The following KIAA1328 variants were observed in gnomAD, a reference collection of about 807,000 sequenced individuals.
KIAA1328 encodes the protein protein hinderin.
In KIAA1328, 52 loss-of-function variants were observed where a neutral mutation model predicts 68.1. The observed-to-expected ratio is 0.76, with a 90% CI of 0.61 to 0.96. The LOEUF is 0.96. Among genes scored for constraint, KIAA1328 ranks in the 40% least tolerant of loss-of-function variants. KIAA1328 has a pLI of 0.00. For missense variants in KIAA1328, 641 were observed against 677.6 expected (o/e 0.95, Z 0.60); for synonymous variants, 232 against 239.4 (o/e 0.97, Z 0.28).
rs199775909 is a variant in KIAA1328, at chr18:37,061,496, T to TA, written c.577-5387dup. ...TATTGTAAATTACGCCTCAATGTTT[T>TA]AAAAAAATTGTGGTTTCTAAGTTAC... On this transcript the variant is annotated intron_variant, in intron 6 of 9. Transcript: ENST00000280020. Among the ~76,000 whole-genome samples, 1,091 of 152,258 alleles carry TA rather than the reference T, an allele frequency of 7.2e-3. 16 individuals carry two copies. Among genetic ancestry groups the TA allele is most frequent in the African/African-American group, 0.024 (1,009 of 41,548 alleles).
chr18:36,880,717 T>A lies in KIAA1328; in HGVS notation c.333-4840T>A, dbSNP rs9965769. On this transcript the variant is annotated intron_variant, in intron 4 of 9. Coordinates refer to ENST00000280020, the MANE Select transcript of KIAA1328 (RefSeq NM_020776.3). ...CATATGTTAACTGTAGGATTTTTTT[T>A]AAAAAAAGATTCTTTTTATTAGATT... Among the ~76,000 whole-genome samples, 138 of 152,102 alleles carry A rather than the reference T, an allele frequency of 9.1e-4. 3 individuals carry two copies. The South Asian group carries it at 0.017, about 19-fold the overall frequency.
At chr18:36,892,684 T>C (rs1437306137) in intron 5 of KIAA1328, among the ~76,000 whole-genome samples, 3 of 152,320 alleles carry the variant, frequency 2.0e-5, no homozygotes, top group African/African-American at 7.2e-5. Context: ...TGTACAAATT[T>C]AGCAGATTTT....
At chr18:37,002,065 G>T (rs565593926) in intron 6 of KIAA1328, among the ~76,000 whole-genome samples, 1 of 151,962 alleles carries the variant, frequency 6.6e-6, no homozygotes. Context: ...AAATCAAATT[G>T]TTCCTTGGTA....
intron 7 of KIAA1328, among the ~76,000 whole-genome samples, chr18:37,124,707 C>T (rs1435161675): frequency 6.6e-6 from 1 of 152,218 alleles, no homozygotes; most frequent in East Asian, 1.9e-4. Context: ...TCATTTTATT[C>T]AACTGCCATT....
chr18:36,835,855 T>C (rs1468161305), intron 3 of KIAA1328, among the ~76,000 whole-genome samples: 1 of 152,196 alleles, frequency 6.6e-6, no homozygotes, highest in Non-Finnish European at 1.5e-5. Flanking sequence ...TGTTATATTT[T>C]CCCTCTGCAA....
intron 6 of KIAA1328, among the ~76,000 whole-genome samples, chr18:36,964,004 C>G (rs1296087381): frequency 6.6e-6 from 1 of 152,164 alleles, no homozygotes. Flanking sequence ...AGGTTATTAT[C>G]TCTGTTTTAT....
chr18:37,081,211 A>G (rs1394944668), intron 7 of KIAA1328, among the ~76,000 whole-genome samples: 1 of 152,084 alleles, frequency 6.6e-6, no homozygotes, highest in Admixed American at 6.6e-5. Flanking sequence ...CAAACTCCTG[A>G]TCTCAAGTGA....
At chr18:36,993,452 G>T (rs528764688) in intron 6 of KIAA1328, among the ~76,000 whole-genome samples, 53 of 152,272 alleles carry the variant, frequency 3.5e-4, no homozygotes, top group African/African-American at 1.3e-3. Context: ...TTGATGGTGG[G>T]AAATAAATGG....
intron 6 of KIAA1328, among the ~76,000 whole-genome samples, chr18:37,017,106 T>A (rs2054179246): frequency 1.3e-5 from 2 of 152,096 alleles, no homozygotes; most frequent in African/African-American, 2.4e-5. Context: ...ATTTACGACT[T>A]TAAACTTTTC....
At chr18:37,158,051 T>C (rs2059194184) in intron 7 of KIAA1328, among the ~76,000 whole-genome samples, 1 of 151,860 alleles carries the variant, frequency 6.6e-6, no homozygotes, top group Non-Finnish European at 1.5e-5. Flanking sequence ...TCTTTTTTTT[T>C]GGAAACAGAG....
At chr18:36,979,860 T>G (rs999468732) in intron 6 of KIAA1328, among the ~76,000 whole-genome samples, 1 of 152,244 alleles carries the variant, frequency 6.6e-6, no homozygotes, top group African/African-American at 2.4e-5. Flanking sequence ...ATGGTCTGAT[T>G]GTGTTCCCCC....
intron 7 of KIAA1328, among the ~76,000 whole-genome samples, chr18:37,159,009 C>T (rs1470723097): frequency 6.6e-6 from 1 of 151,696 alleles, no homozygotes; most frequent in Non-Finnish European, 1.5e-5. Context: ...TATACATCTT[C>T]TGGTGGGTCT....
intron 3 of KIAA1328, among the ~76,000 whole-genome samples, chr18:36,835,879 A>G (rs1014166919): frequency 6.6e-6 from 1 of 152,142 alleles, no homozygotes. Flanking sequence ...GAGTTGTTCA[A>G]TACCACTTCA....
intron 9 of KIAA1328, among the ~76,000 whole-genome samples, chr18:37,204,779 A>C (rs865893982): frequency 1.2e-4 from 18 of 150,166 alleles, no homozygotes; most frequent in Non-Finnish European, 1.6e-4. Flanking sequence ...AAAAAAAAAA[A>C]ACACCTCTCA....
At chr18:36,911,334 A>G (rs1478953976) in intron 5 of KIAA1328, among the ~76,000 whole-genome samples, 1 of 152,154 alleles carries the variant, frequency 6.6e-6, no homozygotes, top group Non-Finnish European at 1.5e-5. Context: ...AGGAATTCGA[A>G]TTGTGACTAT....
chr18:36,835,086 A>G (rs537418196), intron 2 of KIAA1328, 148 bp from the exon 3 acceptor site: 3 of 539,602 alleles, frequency 5.6e-6, no homozygotes, highest in Non-Finnish European at 9.8e-6. Context: ...TGATTCATAT[A>G]TTAAGAGCTT....
chr18:36,919,142 A>G (rs1035478817), intron 5 of KIAA1328, among the ~76,000 whole-genome samples: 1 of 152,130 alleles, frequency 6.6e-6, no homozygotes, highest in Non-Finnish European at 1.5e-5. Flanking sequence ...ATTATTATAC[A>G]TATATGATCT....
chr18:37,053,876 T>C (rs1478698704), intron 6 of KIAA1328, among the ~76,000 whole-genome samples: 2 of 151,694 alleles, frequency 1.3e-5, no homozygotes, highest in African/African-American at 4.8e-5. Context: ...AGCCAGAACA[T>C]GTCAAATAGA....
chr18:37,079,522 G>A (rs1260113478), intron 7 of KIAA1328, among the ~76,000 whole-genome samples: 1 of 151,496 alleles, frequency 6.6e-6, no homozygotes, highest in African/African-American at 2.4e-5. Flanking sequence ...AAAAAGAAGT[G>A]CAGCTATTTC....
Sources: gnomAD v4.1 joint callset for allele counts (sites outside exome capture counted in the v4.1 genomes callset) on GRCh38, gnomAD v4.1.1 for gene constraint, MANE v1.5 for transcripts, NCBI Gene and HGNC (gene_info 2026-07-23, HGNC 2026-07-21) for gene names.